The following TOM1 variants were observed in gnomAD, a reference collection of about 807,000 sequenced individuals.
TOM1 encodes the protein target of Myb protein 1.
A neutral mutation model predicts 61.3 loss-of-function variants in TOM1; 38 were observed. That is an observed-to-expected ratio of 0.62 (90% CI 0.48 to 0.81). TOM1 has a LOEUF of 0.81. TOM1 is among the 40% of genes least tolerant of loss of function. The probability of loss-of-function intolerance (pLI) is 0.00; values close to 1 mark genes in which losing one functional copy is unlikely to be tolerated. For missense variants in TOM1, 591 were observed against 659.6 expected, an observed-to-expected ratio of 0.90 and a Z score of 1.14; for synonymous variants, 270 against 268.8, an observed-to-expected ratio of 1.00 and a Z score of -0.04.
In TOM1 at chr22:35,312,199, G is replaced by A. The variant is rs1294486236; in HGVS notation, c.53-5678G>A. On this transcript the variant is annotated intron_variant, in intron 1 of 14. Transcript: ENST00000449058. ...ACGGAAGTTGCAGTGAGCCGAGATCGCACCACTGTACTCCAGCCTGGGCGA... is the reference window on the plus strand; with the variant it reads ...ACGGAAGTTGCAGTGAGCCGAGATCACACCACTGTACTCCAGCCTGGGCGA... Among the ~76,000 whole-genome samples the A allele has an allele frequency of 6.7e-5, 10 of 150,086 alleles. No individual in the cohort carries two copies. The South Asian group carries it at 8.4e-4, about 13-fold the overall frequency.
intron 1 of TOM1, among the ~76,000 whole-genome samples, chr22:35,312,176 G>A (rs545393868): frequency 1.4e-3 from 208 of 151,686 alleles, no homozygotes; most frequent in African/African-American, 4.8e-3. Flanking sequence ...CCCAGGAGAC[G>A]GAAGTTGCAG....
At chr22:35,319,936 T>C (rs898076320) in intron 2 of TOM1, among the ~76,000 whole-genome samples, 1 of 152,232 alleles carries the variant, frequency 6.6e-6, no homozygotes, top group Non-Finnish European at 1.5e-5. Context: ...GCCTTGCCTC[T>C]GCCTTCACTC....
chr22:35,336,118 C>T (rs556874366), intron 11 of TOM1, among the ~76,000 whole-genome samples: 2 of 152,292 alleles, frequency 1.3e-5, no homozygotes, highest in African/African-American at 2.4e-5. Context: ...TTTGAAACTG[C>T]CTTCAGCTGA....
intron 3 of TOM1, chr22:35,322,298 A>G (rs1927863596): frequency 2.2e-6 from 1 of 456,792 alleles, no homozygotes; most frequent in Non-Finnish European, 3.9e-6. Flanking sequence ...AGCCTGGGCC[A>G]AAGGACCTGT....
intron 12 of TOM1, 28 bp downstream of exon 12, chr22:35,338,816 T>TG: frequency 6.5e-7 from 1 of 1,545,846 alleles, no homozygotes; most frequent in Non-Finnish European, 8.7e-7. Context: ...CCTGCCACCC[T>TG]GGGGCCCTCC....
chr22:35,345,439 G>A (rs879719893), intron 12 of TOM1: 35 of 522,250 alleles, frequency 6.7e-5, no homozygotes, highest in Middle Eastern at 5.2e-4. Context: ...AATCCTACCC[G>A]AAGGGTGTGT....
At chr22:35,312,896 G>A (rs1203579461) in intron 1 of TOM1, among the ~76,000 whole-genome samples, 1 of 152,340 alleles carries the variant, frequency 6.6e-6, no homozygotes, top group Non-Finnish European at 1.5e-5. Context: ...TGTGCTTGGA[G>A]TTATGTTTGA....
At chr22:35,328,492 G>A (rs751787373) in intron 7 of TOM1, among the ~76,000 whole-genome samples, 10 of 152,190 alleles carry the variant, frequency 6.6e-5, no homozygotes, top group African/African-American at 1.2e-4. Context: ...CAGATAACAC[G>A]TCCAGGGTTA....
chr22:35,310,133 G>A (rs1430802744), intron 1 of TOM1, among the ~76,000 whole-genome samples: 2 of 152,260 alleles, frequency 1.3e-5, no homozygotes, highest in East Asian at 3.8e-4. Flanking sequence ...CAGATGGACA[G>A]CATGGCTGGC....
chr22:35,344,168 C>T (rs1930300130), intron 12 of TOM1: 2 of 152,404 alleles, frequency 1.3e-5, no homozygotes, highest in South Asian at 2.1e-4. Flanking sequence ...CGCTGCCGTC[C>T]CTCCGCCATC....
At chr22:35,333,255 G>A in intron 9 of TOM1, 149 bp from the exon 10 acceptor site, 1 of 832,352 alleles carries the variant, frequency 1.2e-6, no homozygotes, top group Non-Finnish European at 1.9e-6. Context: ...GAGCCAGAGG[G>A]GAGGAAGGAA....
chr22:35,317,467 C>A (rs1290155334), intron 1 of TOM1, among the ~76,000 whole-genome samples: 1 of 152,156 alleles, frequency 6.6e-6, no homozygotes, highest in Non-Finnish European at 1.5e-5. Flanking sequence ...GGATTACAGG[C>A]GTGAGCCACC....
chr22:35,343,319 C>T lies in TOM1; in HGVS notation c.1225-2406C>T, dbSNP rs1185606920. Among the ~76,000 whole-genome samples, 2 of 150,140 alleles carry T rather than the reference C, an allele frequency of 1.3e-5. 1 individual carries two copies. On this transcript the variant is annotated intron_variant, in intron 12 of 14. Coordinates refer to ENST00000449058, the MANE Select transcript of TOM1 (RefSeq NM_005488.3). ...TACACACCACACCTACACACCCATA[C>T]ACCTACACACCCCCACACACACACC...
chr22:35,334,850 A>C (rs111325167), intron 11 of TOM1, among the ~76,000 whole-genome samples: 3,764 of 107,462 alleles, frequency 0.035, 81 homozygotes, highest in South Asian at 0.12. Context: ...CCCTCCCTGC[A>C]CTGTGTACCG....
chr22:35,317,508 A>G (rs1012300378), intron 1 of TOM1, among the ~76,000 whole-genome samples: 3 of 152,176 alleles, frequency 2.0e-5, no homozygotes, highest in Non-Finnish European at 4.4e-5. Flanking sequence ...TTCTAAAGTC[A>G]AGGGAGAACA....
chr22:35,327,504 G>A, intron 7 of TOM1, 117 bp downstream of exon 7: 1 of 718,132 alleles, frequency 1.4e-6, no homozygotes, highest in Non-Finnish European at 2.4e-6. Context: ...CTTGGTCACA[G>A]TTGGGGACAT....
chr22:35,307,558 T>A (rs138768), intron 1 of TOM1, among the ~76,000 whole-genome samples: 132,834 of 152,164 alleles, frequency 0.87, 58,088 homozygotes, highest in East Asian at 1. Context: ...CCAGGTCTCC[T>A]CCTCAAGGGA....
rs556992298 is a variant in TOM1 at position 35,301,448 on chromosome 22, C to A, written c.52+1468C>A. On this transcript the variant is annotated intron_variant, in intron 1 of 14. Coordinates refer to ENST00000449058, the MANE Select transcript of TOM1 (RefSeq NM_005488.3). ...CACCAACACCATGAGAACCGACATG[C>A]CTTCACCCAAACAGCCACACTTCTC... 7.6e-4 allele frequency among the ~76,000 whole-genome samples: 116 copies of A among 152,278 alleles called. 1 individual carries two copies. The highest frequency in any genetic ancestry group is 2.0e-3 in the Admixed American group (31 of 15,294).
In TOM1 at chr22:35,324,938, G is replaced by A. The variant is rs370196286; in HGVS notation, c.648+1024G>A. ...TTGAAGGATTACCCACCTCAGAGCA[G>A]GTGGCACCCTGGGCATGTCACTTCC... On this transcript the variant is annotated intron_variant, in intron 6 of 14. Coordinates refer to ENST00000449058, the MANE Select transcript of TOM1 (RefSeq NM_005488.3). Among the ~76,000 whole-genome samples, 8 of 152,356 alleles carry A rather than the reference G, an allele frequency of 5.3e-5. No homozygotes were observed. The East Asian group carries it at 1.4e-3, about 26-fold the overall frequency.
Sources: allele counts gnomAD v4.1 joint callset (sites outside exome capture counted in the v4.1 genomes callset), GRCh38; gene constraint gnomAD v4.1.1; transcripts MANE v1.5; gene names NCBI Gene and HGNC (gene_info 2026-07-23, HGNC 2026-07-21).